The following FMN1 variants were observed in gnomAD, a reference collection of about 807,000 sequenced individuals.
FMN1 encodes formin 1.
In FMN1, 110 loss-of-function variants were observed where a neutral mutation model predicts 132.4. The observed-to-expected ratio is 0.83, with a 90% CI of 0.71 to 0.97. The LOEUF is 0.97. Ranked by LOEUF, FMN1 falls within the 50% of genes least tolerant of loss-of-function variation. The probability of loss-of-function intolerance (pLI) is 0.00; values close to 1 mark genes in which losing one functional copy is unlikely to be tolerated. For missense variants in FMN1, 1,792 were observed against 1,705.3 expected (o/e 1.05, Z -0.90); for synonymous variants, 722 against 651.7 (o/e 1.11, Z -1.64).
chr15:32,944,029 C>G (rs373565790), intron 9 of FMN1, among the ~76,000 whole-genome samples: 1 of 152,154 alleles, frequency 6.6e-6, no homozygotes, highest in African/African-American at 2.4e-5. Context: ...CCCCTCCCTA[C>G]GATTTCTAAT....
intron 6 of FMN1, among the ~76,000 whole-genome samples, chr15:33,054,225 A>T (rs780238218): frequency 2.0e-5 from 3 of 152,210 alleles, no homozygotes; most frequent in Non-Finnish European, 4.4e-5. Context: ...GTTTTAGGAG[A>T]TCTGTGCCTG....
intron 5 of FMN1, chr15:33,066,823 G>A (rs755389823): frequency 1.2e-6 from 2 of 1,613,798 alleles, no homozygotes; most frequent in Non-Finnish European, 1.7e-6. Context: ...GTTCAGTTTT[G>A]GGCATGTCAA....
chr15:32,965,879 T>C (rs1274767543), intron 8 of FMN1, among the ~76,000 whole-genome samples: 2 of 152,108 alleles, frequency 1.3e-5, no homozygotes, highest in Non-Finnish European at 1.5e-5. Flanking sequence ...AGTACATCCA[T>C]GTATGTGTTC....
At chr15:33,013,500 T>C (rs188454147) in intron 6 of FMN1, among the ~76,000 whole-genome samples, 27 of 152,322 alleles carry the variant, frequency 1.8e-4, no homozygotes, top group Admixed American at 3.9e-4. Flanking sequence ...TGGGTTGTGA[T>C]TGAGCAAGGA....
chr15:33,141,797 C>T (rs568589551), intron 4 of FMN1, among the ~76,000 whole-genome samples: 1 of 152,108 alleles, frequency 6.6e-6, no homozygotes, highest in East Asian at 2.0e-4. Flanking sequence ...AATGACACTT[C>T]AGATGGAACC....
intron 6 of FMN1, among the ~76,000 whole-genome samples, chr15:33,018,870 G>A (rs1389366389): frequency 1.3e-5 from 2 of 152,158 alleles, no homozygotes; most frequent in Admixed American, 6.5e-5. Flanking sequence ...CACGTCTGGA[G>A]TTGTTCGATC....
At chr15:33,193,548 G>C (rs1342905259) in intron 2 of FMN1, among the ~76,000 whole-genome samples, 1 of 152,094 alleles carries the variant, frequency 6.6e-6, no homozygotes, top group Admixed American at 6.5e-5. Flanking sequence ...AGAAAGTCAG[G>C]TTGTCTGCTA....
chr15:33,008,016 G>T lies in FMN1; in HGVS notation c.2221C>A (p.Gln741Lys), dbSNP rs949272819. ...REHKEEIENLQAQFELRAFHI... is the reference protein window; with the variant it reads ...REHKEEIENLKAQFELRAFHI... Reference sequence around the variant, plus strand: ...TCAGTAGCATCAAAGAGGCATACCTGCAGGTTTTCAATTTCTTCTTTGTGC... The same window carrying T: ...TCAGTAGCATCAAAGAGGCATACCTTCAGGTTTTCAATTTCTTCTTTGTGC... Residue 741 changes from glutamine to lysine, a missense_variant and splice_region_variant, in exon 7 of 21, where the codon CAG (glutamine) becomes AAG (lysine). Coordinates refer to ENST00000616417, the MANE Select transcript of FMN1 (RefSeq NM_001277313.2). The T allele has an allele frequency of 2.7e-5, 43 of 1,599,250 alleles. No homozygotes were observed. Among genetic ancestry groups the T allele is most frequent in the Non-Finnish European group, 3.5e-5 (41 of 1,171,930 alleles).
intron 19 of FMN1, 66 bp downstream of exon 19, chr15:32,798,738 A>C: frequency 1.5e-6 from 2 of 1,355,542 alleles, no homozygotes; most frequent in Non-Finnish European, 2.0e-6. Flanking sequence ...ACACACTTTG[A>C]TAGGTTTAAG....
intron 3 of FMN1, among the ~76,000 whole-genome samples, chr15:33,157,942 C>G (rs1964738770): frequency 6.6e-6 from 1 of 151,008 alleles, no homozygotes; most frequent in African/African-American, 2.4e-5. Flanking sequence ...TGAGATTGCG[C>G]CACTGCACCA....
chr15:33,164,045 G>A (rs1965001555), intron 3 of FMN1, among the ~76,000 whole-genome samples: 1 of 152,202 alleles, frequency 6.6e-6, no homozygotes, highest in Non-Finnish European at 1.5e-5. Flanking sequence ...AAAGGCACCA[G>A]AGGAAGAAGA....
chr15:33,112,361 G>C (rs2039742232), intron 4 of FMN1, among the ~76,000 whole-genome samples: 1 of 152,160 alleles, frequency 6.6e-6, no homozygotes, highest in East Asian at 1.9e-4. Flanking sequence ...TCTATGAAGA[G>C]TTGAGGTGGT....
chr15:33,168,763 G>A (rs2140315525), intron 3 of FMN1, among the ~76,000 whole-genome samples: 1 of 152,290 alleles, frequency 6.6e-6, no homozygotes, highest in Middle Eastern at 3.4e-3. Context: ...CAAGGCTGCA[G>A]GTTCTAAAGG....
At chr15:32,932,978 A>G (rs960421415) in intron 9 of FMN1, among the ~76,000 whole-genome samples, 1 of 151,496 alleles carries the variant, frequency 6.6e-6, no homozygotes, top group Admixed American at 6.6e-5. Context: ...TCTATACTCT[A>G]TTTTGCTTTT....
At chr15:33,152,529 T>G (rs1278626889) in intron 4 of FMN1, among the ~76,000 whole-genome samples, 3 of 152,032 alleles carry the variant, frequency 2.0e-5, no homozygotes, top group Non-Finnish European at 4.4e-5. Flanking sequence ...ATAATAGCAC[T>G]TATCGAGATG....
At chr15:33,124,680 C>T (rs983328789) in intron 4 of FMN1, among the ~76,000 whole-genome samples, 1 of 151,384 alleles carries the variant, frequency 6.6e-6, no homozygotes, top group African/African-American at 2.4e-5. Flanking sequence ...GAGATTATTC[C>T]TTTCATTTTC....
At chr15:33,018,002 T>C (rs1364192768) in intron 6 of FMN1, among the ~76,000 whole-genome samples, 2 of 148,584 alleles carry the variant, frequency 1.3e-5, no homozygotes, top group African/African-American at 5.0e-5. Context: ...GAGGTGGAGG[T>C]TGCAGTGAGC....
chr15:32,888,550 A>C (rs941085205), intron 15 of FMN1, among the ~76,000 whole-genome samples: 4 of 152,224 alleles, frequency 2.6e-5, no homozygotes, highest in Admixed American at 6.5e-5. Context: ...TCATGAATCA[A>C]AGAGAAAATT....
At chr15:33,046,588 G>T (rs343905) in intron 6 of FMN1, among the ~76,000 whole-genome samples, 134,489 of 152,184 alleles carry the variant, frequency 0.88, 60,033 homozygotes, top group Middle Eastern at 0.93. Context: ...AATTGAGGAT[G>T]TTGCTTGCCT....
Sources: gnomAD v4.1 joint callset for allele counts (sites outside exome capture counted in the v4.1 genomes callset) on GRCh38, gnomAD v4.1.1 for gene constraint, MANE v1.5 for transcripts, NCBI Gene and HGNC (gene_info 2026-07-23, HGNC 2026-07-21) for gene names.